ADGRV1: variants seen among roughly 807,000 people sequenced by gnomAD.
The protein encoded by ADGRV1 is G-protein coupled receptor 98.
ADGRV1 carries 359 observed loss-of-function variants against 596.2 expected under a neutral mutation model. That is an observed-to-expected ratio of 0.60 (90% CI 0.55 to 0.66). The LOEUF (loss-of-function observed/expected upper bound fraction) is 0.66, where lower values mean the gene tolerates loss of function less well. Ranked by LOEUF, ADGRV1 falls within the 30% of genes least tolerant of loss-of-function variation. ADGRV1 has a pLI of 0.00. For synonymous variants in ADGRV1, 2,681 were observed against 2,679.2 expected, an observed-to-expected ratio of 1.00 and a Z score of -0.02; for missense variants, 7,274 against 7,575.6, an observed-to-expected ratio of 0.96 and a Z score of 1.48.
At chr5:90,736,008 G>A (rs1357462117) in intron 50 of ADGRV1, among the ~76,000 whole-genome samples, 4 of 152,056 alleles carry the variant, frequency 2.6e-5, no homozygotes, top group Non-Finnish European at 5.9e-5. Flanking sequence ...CTTTCAGAAC[G>A]ATGTTGAAAG....
At chr5:90,673,997 A>G (rs2149544650) in intron 22 of ADGRV1, 57 bp from the exon 23 acceptor site, 3 of 1,267,008 alleles carry the variant, frequency 2.4e-6, no homozygotes, top group Non-Finnish European at 2.2e-6. Flanking sequence ...ATTTTCTTCT[A>G]GTAAGTAATT....
At chr5:91,039,318 T>G (rs1400364574) in intron 85 of ADGRV1, among the ~76,000 whole-genome samples, 2 of 152,288 alleles carry the variant, frequency 1.3e-5, no homozygotes, top group African/African-American at 4.8e-5. Context: ...TTACCTTCGT[T>G]ATCGGTTAGG....
chr5:90,580,441 G>A (rs990072902), intron 1 of ADGRV1, among the ~76,000 whole-genome samples: 5 of 151,884 alleles, frequency 3.3e-5, no homozygotes, highest in Admixed American at 2.6e-4. Context: ...CTAATCAAAC[G>A]TAGATTTGGT....
chr5:90,594,410 A>G (rs1463311541), intron 1 of ADGRV1, among the ~76,000 whole-genome samples: 1 of 151,168 alleles, frequency 6.6e-6, no homozygotes, highest in Non-Finnish European at 1.5e-5. Context: ...AAGTTTCCTG[A>G]GGCCTCCCCA....
rs763437539 is a variant in ADGRV1 at position 90,853,264 on chromosome 5, C to G, written c.17205-20C>G. 2 of 1,584,178 alleles carry G rather than the reference C, an allele frequency of 1.3e-6. No homozygotes were observed. Among genetic ancestry groups the G allele is most frequent in the Non-Finnish European group, 1.7e-6 (2 of 1,164,780 alleles). ...TCAAATACATGCCATTTTTACAGAC[C>G]CTTTGCTTTTCTGTTGTAGAAGCAA... On this transcript the variant is annotated intron_variant, in intron 79 of 89. Coordinates refer to ENST00000405460, the MANE Select transcript of ADGRV1 (RefSeq NM_032119.4).
In ADGRV1 at chr5:90,778,885, T is replaced by C; in HGVS notation, c.12870T>C (p.Arg4290=). The C allele has an allele frequency of 6.2e-7, 1 of 1,612,870 alleles. No individual in the cohort carries two copies. The highest frequency in any genetic ancestry group is 8.5e-7 in the Non-Finnish European group (1 of 1,179,078). ...CATAGGTTAACATCACAATCATCCG[T>C]TCCAGTGGAGATTTTGGCCATGTGC... is the stretch of plus-strand genomic sequence containing the variant. The part of the protein sequence containing the change: ...EAQRVNITII[R]SSGDFGHVRL... Residue 4290 remains arginine (R), a synonymous_variant, in exon 64 of 90, where the codon CGT becomes CGC. Coordinates refer to ENST00000405460, the MANE Select transcript of ADGRV1 (RefSeq NM_032119.4).
At chr5:90,570,438 T>C (rs1358703265) in intron 1 of ADGRV1, among the ~76,000 whole-genome samples, 4 of 152,164 alleles carry the variant, frequency 2.6e-5, no homozygotes, top group African/African-American at 9.6e-5. Context: ...TTTACTGAGC[T>C]TCTTAGATAT....
Position 90,791,242 on chromosome 5 carries a change from T to G in ADGRV1, c.14413T>G (p.Ser4805Ala). 1.2e-6 allele frequency: 2 copies of G among 1,612,950 alleles called. No homozygotes were observed. The highest frequency in any genetic ancestry group is 1.7e-6 in the Non-Finnish European group (2 of 1,179,510). The change falls in exon 70 of 90, where the codon TCG becomes GCG. Residue 4805 changes from serine (S) to alanine (A), a missense_variant. Around this residue, in one of 5 missense-constraint regions of ADGRV1, gnomAD observed 1,874 missense variants for 1,970.2 expected, o/e 0.95. Transcript: ENST00000405460. ...GDVAVGLRISSDHKEQPIVTE... is the reference protein window; with the variant it reads ...GDVAVGLRISADHKEQPIVTE... ...TGTGGCTGTTGGGCTTCGAATATCATCGGATCATAAAGAACAGCCGATTGT... is the reference window on the plus strand; with the variant it reads ...TGTGGCTGTTGGGCTTCGAATATCAGCGGATCATAAAGAACAGCCGATTGT...
chr5:90,737,172 CTT>C (rs1053892380), intron 50 of ADGRV1, among the ~76,000 whole-genome samples: 4 of 151,634 alleles, frequency 2.6e-5, no homozygotes, highest in Admixed American at 2.0e-4. Context: ...CATAAGGTAT[CTT>C]TTTATTTCTT....
At chr5:91,162,100 T>C (rs541207234) in intron 89 of ADGRV1, among the ~76,000 whole-genome samples, 3 of 152,270 alleles carry the variant, frequency 2.0e-5, no homozygotes, top group Admixed American at 6.5e-5. Flanking sequence ...GAGAGGGCAG[T>C]GGAATACAGA....
intron 83 of ADGRV1, among the ~76,000 whole-genome samples, chr5:90,943,527 C>T (rs892337643): frequency 6.6e-6 from 1 of 152,138 alleles, no homozygotes; most frequent in African/African-American, 2.4e-5. Context: ...GTCACTTCCT[C>T]AGAGAGGCCT....
rs1759858492 is a variant in ADGRV1 at position 90,789,675 on chromosome 5, A to G, written c.13894-27A>G. ...TTTCATCCCTATTGTTTTATAAATT[A>G]TTTTCTCTGTTGTTTATATTTTTTA... On this transcript the variant is annotated intron_variant, in intron 68 of 89. Transcript: ENST00000405460. The G allele has an allele frequency of 3.6e-6, 5 of 1,385,356 alleles. No homozygotes were observed. The South Asian group carries it at 5.4e-5, about 15-fold the overall frequency. The allele number at this position is 1,385,356 out of a possible 1,614,324, so 85.8% of individuals were successfully genotyped here.
intron 47 of ADGRV1, 32 bp downstream of exon 47, chr5:90,725,264 T>G (rs1751615643): frequency 1.6e-5 from 19 of 1,191,844 alleles, no homozygotes; most frequent in Non-Finnish European, 2.2e-5. Flanking sequence ...AATAGATTAC[T>G]TTCTTTAAAA....
intron 85 of ADGRV1, among the ~76,000 whole-genome samples, chr5:91,050,932 A>G (rs534840312): frequency 9.3e-4 from 141 of 152,364 alleles, no homozygotes; most frequent in African/African-American, 2.6e-3. Flanking sequence ...CCAGGAGGGC[A>G]AGGACTTTTT....
intron 1 of ADGRV1, among the ~76,000 whole-genome samples, chr5:90,614,064 C>G (rs571349229): frequency 6.6e-6 from 1 of 150,814 alleles, no homozygotes; most frequent in African/African-American, 2.4e-5. Context: ...TTCAGGAGAC[C>G]ACTGCACTGT....
At chr5:91,124,426 GTTTAAT>G (rs1327994653) in intron 87 of ADGRV1, among the ~76,000 whole-genome samples, 1 of 152,094 alleles carries the variant, frequency 6.6e-6, no homozygotes, top group Non-Finnish European at 1.5e-5. Flanking sequence ...ATTAGGTAAG[GTTTAAT>G]TTTAAATTGT....
intron 1 of ADGRV1, among the ~76,000 whole-genome samples, chr5:90,582,250 T>G (rs1758160599): frequency 6.6e-6 from 1 of 152,120 alleles, no homozygotes; most frequent in African/African-American, 2.4e-5. Context: ...TCTTTGTTAA[T>G]TTTTTGCCTC....
chr5:90,707,341 G>A (rs1748736508), intron 38 of ADGRV1, among the ~76,000 whole-genome samples: 2 of 152,172 alleles, frequency 1.3e-5, no homozygotes, highest in Non-Finnish European at 2.9e-5. Flanking sequence ...ATAGGGGAAG[G>A]GAAAGAGGGA....
At chr5:90,781,229 G>A (rs1758802355) in intron 64 of ADGRV1, 1 of 587,490 alleles carries the variant, frequency 1.7e-6, no homozygotes, top group Admixed American at 2.8e-5. Flanking sequence ...ACCACTCATT[G>A]GGAGCAACAC....
Sources: allele counts gnomAD v4.1 joint callset (sites outside exome capture counted in the v4.1 genomes callset), GRCh38; gene constraint gnomAD v4.1.1; regional missense constraint gnomAD v4.1.1; transcripts MANE v1.5; gene names NCBI Gene and HGNC (gene_info 2026-07-23, HGNC 2026-07-21).